ZNF229: variants seen among roughly 807,000 people sequenced by gnomAD.
ZNF229 encodes zinc finger protein 229.
In ZNF229, 10 loss-of-function variants were observed where a neutral mutation model predicts 11.8. The observed-to-expected ratio is 0.85, with a 90% CI of 0.52 to 1.44. The LOEUF (loss-of-function observed/expected upper bound fraction) is 1.44, where lower values mean the gene tolerates loss of function less well. ZNF229 is among the 40% of genes most tolerant of loss of function. The probability of loss-of-function intolerance (pLI) is 0.00; values close to 1 mark genes in which losing one functional copy is unlikely to be tolerated. For missense variants in ZNF229, 1,045 were observed against 1,015.1 expected (o/e 1.03, Z -0.40); for synonymous variants, 368 against 374.8 (o/e 0.98, Z 0.21).
At position 44,429,432 on chromosome 19, in the gene ZNF229, T is replaced by C; in HGVS notation, c.1349A>G (p.Lys450Arg). ...TTCTCCAGGGTGAATGTGCTGGTGT[T>C]TGTGCAGTGCAGACTTGGCACAGAA... is the stretch of plus-strand genomic sequence containing the variant. ...KGFCAKSALH[K>R]HQHIHPGEKP... is the part of the protein sequence containing the mutation. The change falls in exon 6 of 6, where the codon AAA becomes AGA. Residue 450 changes from lysine to arginine, a missense_variant. Transcript: ENST00000614049. 3 of 1,613,704 alleles carry C rather than the reference T, an allele frequency of 1.9e-6. No homozygotes were observed. The highest frequency in any genetic ancestry group is 2.5e-6 in the Non-Finnish European group (3 of 1,179,924).
In ZNF229 at chr19:44,428,370, C is replaced by T; in HGVS notation, c.2411G>A (p.Gly804Asp). The stretch of plus-strand genomic sequence containing the variant: ...CCGCAGACCTGAGGTATAACTGAAG[C>T]CTTTCCCACACACACCACACGTATA... The part of the protein sequence containing the change: ...KPYTCGVCGK[G>D]FSYTSGLRNH... The change falls in exon 6 of 6, where the codon GGC (glycine) becomes GAC (aspartate). Residue 804 changes from glycine (G) to aspartate (D), a missense_variant. By Grantham distance (94) the Gly-to-Asp change is moderately conservative. Transcript: ENST00000614049. The T allele has an allele frequency of 6.2e-7, 1 of 1,614,108 alleles. No individual in the cohort carries two copies. The highest frequency in any genetic ancestry group is 8.5e-7 in the Non-Finnish European group (1 of 1,180,008).
At chr19:44,447,298 T>C (rs1230126741) in intron 2 of ZNF229, among the ~76,000 whole-genome samples, 1 of 152,096 alleles carries the variant, frequency 6.6e-6, no homozygotes, top group African/African-American at 2.4e-5. Flanking sequence ...GCTGAAACAG[T>C]GTAAGCCTTT....
chr19:44,446,336 T>C (rs1448809104), intron 2 of ZNF229, among the ~76,000 whole-genome samples: 2 of 152,136 alleles, frequency 1.3e-5, no homozygotes, highest in East Asian at 1.9e-4. Flanking sequence ...GTTTTGAAAA[T>C]TGCAGCTCTA....
At chr19:44,434,000 CTCG>C (rs952379281) in intron 4 of ZNF229, among the ~76,000 whole-genome samples, 1 of 152,168 alleles carries the variant, frequency 6.6e-6, no homozygotes, top group African/African-American at 2.4e-5. Flanking sequence ...ATCTCCTGAA[CTCG>C]TGATCTGCCT....
intron 5 of ZNF229, among the ~76,000 whole-genome samples, chr19:44,430,928 GA>G (rs1176437620): frequency 2.0e-5 from 3 of 152,096 alleles, no homozygotes; most frequent in Non-Finnish European, 4.4e-5. Context: ...GAATAATACT[GA>G]AGTAGAAACC....
chr19:44,428,334 CTT>C lies in ZNF229; in HGVS notation c.2445_2446del (p.Arg816SerfsTer9). ...ATAAGGGTTCTCGCCTAAATGCACT[CTT>C]TGGTGGTTCCGCAGACCTGAGGTAT... On this transcript the variant is annotated frameshift_variant, in exon 6 of 6. Coordinates refer to ENST00000614049, the MANE Select transcript of ZNF229 (RefSeq NM_014518.4). LOFTEE classifies it low-confidence loss of function (END_TRUNC). 1 of 1,613,584 alleles carries C rather than the reference CTT, an allele frequency of 6.2e-7. No homozygotes were observed. The highest frequency in any genetic ancestry group is 1.1e-5 in the South Asian group (1 of 91,038).
Position 44,428,323 on chromosome 19 carries a change from C to T in ZNF229, c.2458G>A (p.Gly820Ser), listed in dbSNP as rs749368143. 5 of 1,612,050 alleles carry T rather than the reference C, an allele frequency of 3.1e-6. No individual in the cohort carries two copies. The highest frequency in any genetic ancestry group is 1.7e-5 in the Admixed American group (1 of 59,970). The change falls in exon 6 of 6, where the codon GGC (glycine) becomes AGC (serine). Residue 820 changes from glycine to serine, a missense_variant. Transcript: ENST00000614049. Reference protein sequence around the residue: ...GLRNHQRVHLGENPYK With the variant: ...GLRNHQRVHLSENPYK Reference sequence around the variant, plus strand: ...TACATCTACTTATAAGGGTTCTCGCCTAAATGCACTCTTTGGTGGTTCCGC... The same window carrying T: ...TACATCTACTTATAAGGGTTCTCGCTTAAATGCACTCTTTGGTGGTTCCGC...
At position 44,427,287 on chromosome 19, in the gene ZNF229, T is replaced by C. The variant is rs888935375; in HGVS notation, c.*1016A>G. On this transcript the variant is annotated 3_prime_UTR_variant, in exon 6 of 6. Transcript: ENST00000614049. ...GGGGGATTTGATGATTCTATTTTAATACTGCTAACCTGCAGGGTGAAATAG... is the reference window on the plus strand; with the variant it reads ...GGGGGATTTGATGATTCTATTTTAACACTGCTAACCTGCAGGGTGAAATAG... 7.2e-6 allele frequency: 1 copy of C among 138,272 alleles called. No homozygotes were observed. Among genetic ancestry groups the C allele is most frequent in the African/African-American group, 2.7e-5 (1 of 36,778 alleles). 8.6% of individuals were successfully genotyped at this position (138,272 alleles called of 1,614,324 possible).
chr19:44,428,703 A>G lies in ZNF229; in HGVS notation c.2078T>C (p.Phe693Ser). The stretch of plus-strand genomic sequence containing the variant: ...GGTGCGAAGATTAGAGCCATAACTG[A>G]ATCCCTTGCCACACTGATCACACGT... The part of the protein sequence containing the change: ...PYTCDQCGKG[F>S]SYGSNLRTHQ... The change falls in exon 6 of 6, where the codon TTC becomes TCC. Residue 693 changes from phenylalanine (F) to serine (S), a missense_variant. Transcript: ENST00000614049. 6.2e-7 allele frequency: 1 copy of G among 1,613,844 alleles called. No individual in the cohort carries two copies. The highest frequency in any genetic ancestry group is 8.5e-7 in the Non-Finnish European group (1 of 1,179,996).
At chr19:44,431,532 T>C (rs1451046513) in intron 5 of ZNF229, among the ~76,000 whole-genome samples, 1 of 152,050 alleles carries the variant, frequency 6.6e-6, no homozygotes, top group Non-Finnish European at 1.5e-5. Context: ...GGGACGGAAG[T>C]CCAGAGGTCC....
At chr19:44,435,485 T>C (rs1301612261) in intron 4 of ZNF229, among the ~76,000 whole-genome samples, 1 of 152,114 alleles carries the variant, frequency 6.6e-6, no homozygotes, top group Non-Finnish European at 1.5e-5. Context: ...TATGCTTAAT[T>C]CCTCCAAAAA....
chr19:44,433,456 A>G (rs983548250), intron 4 of ZNF229, among the ~76,000 whole-genome samples: 15 of 152,012 alleles, frequency 9.9e-5, no homozygotes, highest in African/African-American at 3.6e-4. Context: ...AGGTGTTTGG[A>G]TCATGCGGTC....
At position 44,430,301 on chromosome 19, in the gene ZNF229, T is replaced by C; in HGVS notation, c.480A>G (p.Leu160=). ...CTAGACCGATAAGCCCATCCCCTTG[T>C]AGACTGTCCAGGAAATTCTCAATTG... ...CFPIENFLDS[L]QGDGLIGLEN... is the part of the protein sequence containing the mutation. The change falls in exon 6 of 6, where the codon CTA becomes CTG. Residue 160 remains leucine, a synonymous_variant. Coordinates refer to ENST00000614049, the MANE Select transcript of ZNF229 (RefSeq NM_014518.4). 6.2e-7 allele frequency: 1 copy of C among 1,614,164 alleles called. No homozygotes were observed. The highest frequency in any genetic ancestry group is 8.5e-7 in the Non-Finnish European group (1 of 1,180,042).
Position 44,429,910 on chromosome 19 carries a change from T to A in ZNF229, c.871A>T (p.Lys291Ter), listed in dbSNP as rs1290084997. 4 of 1,613,894 alleles carry A rather than the reference T, an allele frequency of 2.5e-6. No homozygotes were observed. The highest frequency in any genetic ancestry group is 2.7e-5 in the African/African-American group (2 of 74,830). Residue 291 changes from lysine (K) to a stop codon, truncating the protein, a stop_gained, in exon 6 of 6, where the codon AAA becomes TAA. Transcript: ENST00000614049. LOFTEE classifies it low-confidence loss of function (END_TRUNC). ...PPHPRVPLKE[K>*]LCQYDEFSEG... The stretch of plus-strand genomic sequence containing the variant: ...CTAAACTCATCATATTGACAGAGTT[T>A]CTCTTTCAAAGGTACTCTTGGATGC...
chr19:44,443,927 C>T (rs985340969), intron 2 of ZNF229, among the ~76,000 whole-genome samples: 1 of 152,106 alleles, frequency 6.6e-6, no homozygotes, highest in African/African-American at 2.4e-5. Flanking sequence ...GCCTCTTCTG[C>T]CCCGCCCCAC....
In ZNF229 at chr19:44,443,000, C is replaced by T. The variant is rs204547; in HGVS notation, c.-153G>A. On this transcript the variant is annotated 5_prime_UTR_variant, in exon 3 of 6. Transcript: ENST00000614049. Reference sequence around the variant, plus strand: ...GTCTCCACCTTTACTGTCCAGAGCGCGACTGCTTCCCATGGTCAGGGGACC... The same window carrying T: ...GTCTCCACCTTTACTGTCCAGAGCGTGACTGCTTCCCATGGTCAGGGGACC... 506,547 of 832,968 alleles carry T rather than the reference C, an allele frequency of 0.61. 156,567 individuals are homozygous for T. Among genetic ancestry groups the T allele is most frequent in the East Asian group, 0.86 (33,253 of 38,856 alleles). The allele number at this position is 832,968 out of a possible 1,614,324, so 51.6% of individuals were successfully genotyped here.
At chr19:44,440,602 C>G (rs534330356) in intron 4 of ZNF229, among the ~76,000 whole-genome samples, 1 of 152,188 alleles carries the variant, frequency 6.6e-6, no homozygotes, top group Admixed American at 6.5e-5. Flanking sequence ...GGAGAAGCCA[C>G]AATACAAAGT....
At chr19:44,431,088 AGGG>A in intron 5 of ZNF229, among the ~76,000 whole-genome samples, 1 of 152,142 alleles carries the variant, frequency 6.6e-6, no homozygotes, top group East Asian at 1.9e-4. Flanking sequence ...ACTGTGTCTC[AGGG>A]GTGACTGTAC....
chr19:44,447,621 G>A (rs1317989920), intron 1 of ZNF229, 21 bp from the exon 2 acceptor site: 2 of 152,112 alleles, frequency 1.3e-5, no homozygotes, highest in Admixed American at 1.3e-4. Context: ...AAAATGAACA[G>A]CAGGATAACA....
Sources: allele counts gnomAD v4.1 joint callset (sites outside exome capture counted in the v4.1 genomes callset), GRCh38; gene constraint gnomAD v4.1.1; transcripts MANE v1.5; gene names NCBI Gene and HGNC (gene_info 2026-07-23, HGNC 2026-07-21).